LMAN1: variants seen among roughly 807,000 people sequenced by gnomAD.
LMAN1 encodes lectin, mannose binding 1, also known as protein ERGIC-53.
LMAN1 carries 32 observed loss-of-function variants against 67.8 expected under a neutral mutation model. That is an observed-to-expected ratio of 0.47 (90% CI 0.36 to 0.63). The LOEUF is 0.63. LMAN1 is among the 30% of genes least tolerant of loss of function. The pLI is 0.00. For synonymous variants in LMAN1, 235 were observed against 219.3 expected (o/e 1.07, Z -0.63); for missense variants, 632 against 628.2 (o/e 1.01, Z -0.06).
chr18:59,353,128 C>G (rs1041521899), intron 5 of LMAN1, 74 bp downstream of exon 5: 1 of 1,280,322 alleles, frequency 7.8e-7, no homozygotes, highest in Non-Finnish European at 1.1e-6. Context: ...CATTTAATTT[C>G]TATCAAAAAT....
chr18:59,342,111 T>A (rs970890923), intron 8 of LMAN1, among the ~76,000 whole-genome samples: 37 of 151,966 alleles, frequency 2.4e-4, no homozygotes, highest in African/African-American at 8.9e-4. Context: ...ACACACAACT[T>A]TCTGAGACTG....
rs570768292 is a variant in LMAN1 at position 59,328,101 on chromosome 18, G to A, written c.*2992C>T. ...TTTGTTCACTATCTTCTTTCAATAA[G>A]CACATGGACAGGGAAAGATAATCAC... On this transcript the variant is annotated 3_prime_UTR_variant, in exon 13 of 13. Coordinates refer to ENST00000251047, the MANE Select transcript of LMAN1 (RefSeq NM_005570.4). 6.6e-6 allele frequency: 1 copy of A among 152,190 alleles called. No homozygotes were observed. The highest frequency in any genetic ancestry group is 2.1e-4 in the South Asian group (1 of 4,820). The allele number at this position is 152,190 out of a possible 1,614,324, so 9.4% of individuals were successfully genotyped here.
At chr18:59,335,007 A>G (rs1342336586) in intron 10 of LMAN1, among the ~76,000 whole-genome samples, 1 of 152,222 alleles carries the variant, frequency 6.6e-6, no homozygotes, top group Non-Finnish European at 1.5e-5. Flanking sequence ...TATGGATAAT[A>G]CAACTGGACA....
At chr18:59,356,979 TG>T (rs1327007525) in intron 1 of LMAN1, among the ~76,000 whole-genome samples, 1 of 152,154 alleles carries the variant, frequency 6.6e-6, no homozygotes, top group African/African-American at 2.4e-5. Context: ...GGTCTTAATT[TG>T]GGGTTGAAGG....
At chr18:59,346,199 G>C (rs1018123882) in intron 7 of LMAN1, 148 bp from the exon 8 acceptor site, 4 of 333,114 alleles carry the variant, frequency 1.2e-5, no homozygotes, top group African/African-American at 7.0e-5. Flanking sequence ...TTAAACGATA[G>C]CAAATTACTC....
rs1022011064 is a variant in LMAN1, at chr18:59,338,826, T to C, written c.1083A>G (p.Arg361=). 9 of 1,613,960 alleles carry C rather than the reference T, an allele frequency of 5.6e-6. No homozygotes were observed. Among genetic ancestry groups the C allele is most frequent in the African/African-American group, 1.3e-5 (1 of 74,916 alleles). The stretch of plus-strand genomic sequence containing the variant: ...TTTCCTCTGTTAAGGAAGAGACATA[T>C]CTTCTCTGTTCATCAAGAATCATAT... The part of the protein sequence containing the change: ...QLDMILDEQR[R]YVSSLTEEIS... The change falls in exon 9 of 13, where the codon AGA becomes AGG. Residue 361 remains arginine, a synonymous_variant. Coordinates refer to ENST00000251047, the MANE Select transcript of LMAN1 (RefSeq NM_005570.4).
intron 5 of LMAN1, among the ~76,000 whole-genome samples, chr18:59,349,721 A>G (rs1349251380): frequency 6.6e-6 from 1 of 152,250 alleles, no homozygotes; most frequent in African/African-American, 2.4e-5. Context: ...GCAGAGAACA[A>G]AAGTGACAGA....
intron 1 of LMAN1, 86 bp downstream of exon 1, chr18:59,358,945 G>T: frequency 7.3e-7 from 1 of 1,377,468 alleles, no homozygotes; most frequent in Non-Finnish European, 1.0e-6. Context: ...GGGAACCTCA[G>T]CACACCAGGG....
chr18:59,353,192 T>A lies in LMAN1; in HGVS notation c.639+10A>T, dbSNP rs768626060. 1.3e-6 allele frequency: 2 copies of A among 1,586,730 alleles called. No homozygotes were observed. The highest frequency in any genetic ancestry group is 4.5e-5 in the East Asian group (2 of 44,762). ...GTTTATTTGATTCTCTCTAAATAGA[T>A]GTTACTTACTGTCAGTGTGTTCTGG... On this transcript the variant is annotated intron_variant, in intron 5 of 12. Coordinates refer to ENST00000251047, the MANE Select transcript of LMAN1 (RefSeq NM_005570.4).
chr18:59,356,938 T>G (rs1346812704), intron 1 of LMAN1, among the ~76,000 whole-genome samples: 1 of 152,194 alleles, frequency 6.6e-6, no homozygotes. Flanking sequence ...AAAGGAACAT[T>G]AGAGTTAAGA....
rs751078020 is a variant in LMAN1 at position 59,345,922 on chromosome 18, G to A, written c.952C>T (p.Pro318Ser). Residue 318 changes from proline to serine, a missense_variant, in exon 8 of 13, where the codon CCT becomes TCT. Transcript: ENST00000251047. Reference protein sequence around the residue: ...QKGHPDLQGQPAEEIFESVGD... With the variant: ...QKGHPDLQGQSAEEIFESVGD... Reference sequence around the variant, plus strand: ...TGTCAGCTTTGCTACAACTCACCAGGCTGCCCTTGGAGGTCGGGGTGGCCC... The same window carrying A: ...TGTCAGCTTTGCTACAACTCACCAGACTGCCCTTGGAGGTCGGGGTGGCCC... The A allele has an allele frequency of 6.2e-6, 10 of 1,613,900 alleles. No homozygotes were observed. Among genetic ancestry groups the A allele is most frequent in the Non-Finnish European group, 8.5e-6 (10 of 1,180,008 alleles).
chr18:59,346,152 G>A (rs1323211503), intron 7 of LMAN1, 101 bp from the exon 8 acceptor site: 2 of 928,694 alleles, frequency 2.2e-6, no homozygotes, highest in Non-Finnish European at 3.3e-6. Context: ...TCTACCACTA[G>A]CGGAAAGGTT....
At chr18:59,356,495 TA>T (rs1170684325) in intron 1 of LMAN1, among the ~76,000 whole-genome samples, 1 of 152,248 alleles carries the variant, frequency 6.6e-6, no homozygotes, top group African/African-American at 2.4e-5. Context: ...CTATCAGACT[TA>T]AAATTTGAAC....
chr18:59,340,263 T>C (rs745885555), intron 8 of LMAN1, among the ~76,000 whole-genome samples: 20 of 152,154 alleles, frequency 1.3e-4, no homozygotes, highest in Admixed American at 9.8e-4. Flanking sequence ...GCAAAAGAGT[T>C]AGATGTCCAG....
chr18:59,343,732 T>C (rs1908338944), intron 8 of LMAN1, among the ~76,000 whole-genome samples: 1 of 152,218 alleles, frequency 6.6e-6, no homozygotes, highest in African/African-American at 2.4e-5. Context: ...CTTCTGCATA[T>C]TGGCCTAGGT....
intron 8 of LMAN1, among the ~76,000 whole-genome samples, chr18:59,342,200 T>A (rs1212890179): frequency 6.6e-6 from 1 of 151,864 alleles, no homozygotes; most frequent in African/African-American, 2.4e-5. Context: ...AAAAATCTCT[T>A]AACAACAGCC....
At position 59,346,042 on chromosome 18, in the gene LMAN1, C is replaced by T. The variant is rs202115197; in HGVS notation, c.832G>A (p.Asp278Asn). ...TTTTCCTTTTCCGAAATTTCTTTAT[C>T]TGGTGTGGGCTTTTTTTTGGAGTTT... Reference protein sequence around the residue: ...TEPGKEPPTPDKEISEKEKEK... With the variant: ...TEPGKEPPTPNKEISEKEKEK... The change falls in exon 8 of 13, where the codon GAT becomes AAT. Residue 278 changes from aspartate (D) to asparagine (N), a missense_variant. Asp to Asn is a conservative substitution (Grantham distance 23, BLOSUM62 1). Transcript: ENST00000251047. 10 of 1,608,760 alleles carry T rather than the reference C, an allele frequency of 6.2e-6. No individual in the cohort carries two copies. In the East Asian group the frequency reaches 2.0e-4, roughly 32 times the overall value.
chr18:59,348,014 C>T (rs969850514), intron 6 of LMAN1, among the ~76,000 whole-genome samples: 1 of 152,244 alleles, frequency 6.6e-6, no homozygotes, highest in African/African-American at 2.4e-5. Context: ...ACCTATATGT[C>T]TCTGAACCTT....
At chr18:59,337,261 A>G (rs944685962) in intron 10 of LMAN1, among the ~76,000 whole-genome samples, 1 of 151,664 alleles carries the variant, frequency 6.6e-6, no homozygotes, top group African/African-American at 2.4e-5. Context: ...AAAAGGTATT[A>G]ACTGATTAAT....
Sources: gnomAD v4.1 joint callset for allele counts (sites outside exome capture counted in the v4.1 genomes callset) on GRCh38, gnomAD v4.1.1 for gene constraint, MANE v1.5 for transcripts, NCBI Gene and HGNC (gene_info 2026-07-23, HGNC 2026-07-21) for gene names.